The following GUCY2C variants were observed in gnomAD, a reference collection of about 807,000 sequenced individuals.
GUCY2C encodes the protein guanylyl cyclase C.
Under a neutral mutation model 131.1 loss-of-function variants are expected in GUCY2C, and 118 were observed. That is an observed-to-expected ratio of 0.90 (90% CI 0.78 to 1.05). GUCY2C has a LOEUF of 1.05. GUCY2C is among the 50% of genes least tolerant of loss of function. The pLI, the probability that GUCY2C is intolerant of heterozygous loss-of-function variation, is 0.00. For synonymous variants in GUCY2C, 452 were observed against 457.8 expected (o/e 0.99, Z 0.16); for missense variants, 1,161 against 1,304.4 (o/e 0.89, Z 1.69).
rs1565605426 is a variant in GUCY2C at position 14,622,069 on chromosome 12, ACC to A, written c.2535_2536del (p.Val846GlyfsTer4). ...CTTATAGATGTCATTAAGCATGTCC[ACC>A]ACTTCCATGGGGGTGCTGTATTTGC... On this transcript the variant is annotated frameshift_variant, in exon 22 of 27. Transcript: ENST00000261170. LOFTEE classifies it high-confidence loss of function. 2 of 1,610,658 alleles carry A rather than the reference ACC, an allele frequency of 1.2e-6. No individual in the cohort carries two copies. Among genetic ancestry groups the A allele is most frequent in the South Asian group, 2.2e-5 (2 of 90,438 alleles).
Position 14,625,913 on chromosome 12 carries a change from A to G in GUCY2C, c.2252T>C (p.Leu751Pro), listed in dbSNP as rs775457061. 2 of 1,599,488 alleles carry G rather than the reference A, an allele frequency of 1.3e-6. No individual in the cohort carries two copies. The highest frequency in any genetic ancestry group is 1.7e-5 in the Admixed American group (1 of 59,930). ...GCTTTCATTTTTTTGGTCATGAAAAAGTCTGTAGGTAGTAATAGATAAAGA... is the reference window on the plus strand; with the variant it reads ...GCTTTCATTTTTTTGGTCATGAAAAGGTCTGTAGGTAGTAATAGATAAAGA... ...IETTLAKIFG[L>P]FHDQKNESYM... Residue 751 changes from leucine to proline, a missense_variant and splice_region_variant, in exon 21 of 27, where the codon CTT becomes CCT. Leu to Pro is a moderately conservative substitution (Grantham distance 98). Transcript: ENST00000261170.
At chr12:14,691,903 C>T (rs1050306382) in intron 1 of GUCY2C, among the ~76,000 whole-genome samples, 1 of 152,178 alleles carries the variant, frequency 6.6e-6, no homozygotes, top group Non-Finnish European at 1.5e-5. Context: ...GGTATTATTT[C>T]ACTTAATCCT....
chr12:14,620,366 C>T (rs1195625120), intron 23 of GUCY2C, among the ~76,000 whole-genome samples: 1 of 152,326 alleles, frequency 6.6e-6, no homozygotes, highest in East Asian at 1.9e-4. Flanking sequence ...CAAGTTGTTT[C>T]TGTCCCTCAC....
chr12:14,625,120 C>A (rs1946981509), intron 21 of GUCY2C, among the ~76,000 whole-genome samples: 1 of 152,110 alleles, frequency 6.6e-6, no homozygotes, highest in African/African-American at 2.4e-5. Flanking sequence ...CAACTCCTTT[C>A]CCCCAAGCTG....
At chr12:14,686,745 T>G (rs1331837509) in intron 2 of GUCY2C, among the ~76,000 whole-genome samples, 1 of 152,190 alleles carries the variant, frequency 6.6e-6, no homozygotes, top group African/African-American at 2.4e-5. Flanking sequence ...GAGAACCAGG[T>G]TATACCTCTC....
intron 17 of GUCY2C, among the ~76,000 whole-genome samples, chr12:14,642,604 A>T (rs1263430121): frequency 6.6e-6 from 1 of 152,224 alleles, no homozygotes; most frequent in Non-Finnish European, 1.5e-5. Context: ...AGAAAAGGTA[A>T]GTAAATCTAC....
At chr12:14,671,410 A>G (rs1000580747) in intron 9 of GUCY2C, among the ~76,000 whole-genome samples, 4 of 152,200 alleles carry the variant, frequency 2.6e-5, no homozygotes, top group South Asian at 2.1e-4. Context: ...AGTGCTGGGA[A>G]TACAGGGGTG....
intron 18 of GUCY2C, among the ~76,000 whole-genome samples, chr12:14,640,843 T>C (rs1352451251): frequency 2.0e-5 from 3 of 152,248 alleles, no homozygotes; most frequent in African/African-American, 7.2e-5. Flanking sequence ...AAACGAAGAT[T>C]GTTAACAATG....
intron 6 of GUCY2C, among the ~76,000 whole-genome samples, chr12:14,679,216 A>T (rs1948297869): frequency 6.6e-6 from 1 of 152,128 alleles, no homozygotes; most frequent in African/African-American, 2.4e-5. Flanking sequence ...TCAGGATCGT[A>T]TGTTTTTCCT....
intron 10 of GUCY2C, among the ~76,000 whole-genome samples, chr12:14,665,193 G>T (rs1028253384): frequency 1.3e-5 from 2 of 148,288 alleles, no homozygotes; most frequent in East Asian, 4.0e-4. Context: ...TCCAGGCCGG[G>T]CAACACTGCG....
At chr12:14,675,183 G>A (rs1948201881) in intron 7 of GUCY2C, among the ~76,000 whole-genome samples, 2 of 144,400 alleles carry the variant, frequency 1.4e-5, no homozygotes, top group Admixed American at 1.4e-4. Flanking sequence ...ACTCCAGCCT[G>A]GGTGACAGAG....
Position 14,674,666 on chromosome 12 carries a change from G to C in GUCY2C, c.1043C>G (p.Thr348Ser). ...CCTGAAAGCATGAGCAAATTTGGGGGTGGTAATATTTTCTCCATTTTCAAG... is the reference window on the plus strand; with the variant it reads ...CCTGAAAGCATGAGCAAATTTGGGGCTGGTAATATTTTCTCCATTTTCAAG... ...IFLENGENIT[T>S]PKFAHAFRNL... Residue 348 changes from threonine (T) to serine (S), a missense_variant, in exon 8 of 27, where the codon ACC becomes AGC. Coordinates refer to ENST00000261170, the MANE Select transcript of GUCY2C (RefSeq NM_004963.4). 1 of 1,613,260 alleles carries C rather than the reference G, an allele frequency of 6.2e-7. No homozygotes were observed. Among genetic ancestry groups the C allele is most frequent in the Non-Finnish European group, 8.5e-7 (1 of 1,179,386 alleles).
intron 9 of GUCY2C, among the ~76,000 whole-genome samples, chr12:14,671,737 C>G (rs1948115412): frequency 6.6e-6 from 1 of 152,200 alleles, no homozygotes; most frequent in Non-Finnish European, 1.5e-5. Context: ...CTGCCTCTCT[C>G]TGTGAAGATC....
chr12:14,623,336 A>G (rs1946932841), intron 21 of GUCY2C, among the ~76,000 whole-genome samples: 1 of 152,162 alleles, frequency 6.6e-6, no homozygotes. Flanking sequence ...CAACCAATCA[A>G]CCACAAAGAT....
chr12:14,646,761 A>G (rs1389544973), intron 15 of GUCY2C, among the ~76,000 whole-genome samples: 1 of 152,160 alleles, frequency 6.6e-6, no homozygotes, highest in Admixed American at 6.5e-5. Context: ...TTAATAGGTG[A>G]CCTGCATATT....
chr12:14,653,062 T>G (rs765769410), intron 12 of GUCY2C, 48 bp from the exon 13 acceptor site: 5 of 1,336,182 alleles, frequency 3.7e-6, no homozygotes, highest in Middle Eastern at 3.6e-4. Flanking sequence ...TATCTCATCC[T>G]ACTCACTGCC....
intron 15 of GUCY2C, among the ~76,000 whole-genome samples, chr12:14,648,370 C>T (rs1023079936): frequency 6.6e-6 from 1 of 152,098 alleles, no homozygotes; most frequent in African/African-American, 2.4e-5. Context: ...CCAGAAAAGG[C>T]CATGAAAAAG....
At chr12:14,620,902 G>A in intron 23 of GUCY2C, 140 bp downstream of exon 23, 1 of 651,456 alleles carries the variant, frequency 1.5e-6, no homozygotes, top group Non-Finnish European at 2.6e-6. Flanking sequence ...TGCATAGTGG[G>A]ACCTCACATT....
At chr12:14,649,847 G>T (rs1947606680) in intron 15 of GUCY2C, among the ~76,000 whole-genome samples, 1 of 151,982 alleles carries the variant, frequency 6.6e-6, no homozygotes, top group African/African-American at 2.4e-5. Flanking sequence ...CTAGTCAAAG[G>T]GTTTCACATG....
Sources: gnomAD v4.1 joint callset for allele counts (sites outside exome capture counted in the v4.1 genomes callset) on GRCh38, gnomAD v4.1.1 for gene constraint, MANE v1.5 for transcripts, NCBI Gene and HGNC (gene_info 2026-07-23, HGNC 2026-07-21) for gene names.